Variants in USP10 observed in about 807,000 individuals in gnomAD.
USP10 encodes ubiquitin specific peptidase 10.
A neutral mutation model predicts 84.5 loss-of-function variants in USP10; 22 were observed. The ratio of observed to expected loss-of-function variants is 0.26; its 90% confidence interval spans 0.19 to 0.37. The LOEUF (loss-of-function observed/expected upper bound fraction) is 0.37, where lower values mean the gene tolerates loss of function less well. Ranked by LOEUF, USP10 falls within the 10% of genes least tolerant of loss-of-function variation. The probability of loss-of-function intolerance (pLI) is 1.00; values close to 1 mark genes in which losing one functional copy is unlikely to be tolerated. For synonymous variants in USP10, 454 were observed against 387.6 expected (o/e 1.17, Z -2.01); for missense variants, 1,019 against 998.9 (o/e 1.02, Z -0.27).
intron 4 of USP10, among the ~76,000 whole-genome samples, chr16:84,753,797 G>A (rs527966257): frequency 7.2e-5 from 11 of 152,336 alleles, no homozygotes; most frequent in African/African-American, 2.6e-4. Context: ...AATTGATCCT[G>A]TATTACTGTC....
chr16:84,728,574 C>G (rs1366347568), intron 1 of USP10, among the ~76,000 whole-genome samples: 1 of 152,112 alleles, frequency 6.6e-6, no homozygotes. Context: ...CGTGATCCGC[C>G]TGCCTCGGCC....
Position 84,764,826 on chromosome 16 carries a change from T to A in USP10, c.1832+563T>A, listed in dbSNP as rs564642715. 9.4e-4 allele frequency among the ~76,000 whole-genome samples: 139 copies of A among 148,192 alleles called. 1 individual carries two copies. The highest frequency in any genetic ancestry group is 3.3e-3 in the African/African-American group (132 of 39,984). On this transcript the variant is annotated intron_variant, in intron 10 of 13. Transcript: ENST00000219473. ...GCATGGGTGACAGAGTGAGACTCTG[T>A]CTCAAGAAAAAAAAAAGAAAAAGAT...
chr16:84,732,570 C>A lies in USP10; in HGVS notation c.22-865C>A, dbSNP rs9932860. 200 of 341,632 alleles carry A rather than the reference C, an allele frequency of 5.9e-4. 1 individual carries two copies. The highest frequency in any genetic ancestry group is 4.3e-3 in the African/African-American group (188 of 43,870). 21.2% of individuals were successfully genotyped at this position (341,632 alleles called of 1,614,324 possible). On this transcript the variant is annotated intron_variant, in intron 1 of 13. Transcript: ENST00000219473. ...CAAGCAATTCTCCTGGCTCAGCCTC[C>A]CGAGCAGCCGGGACTACAGGTACAC...
In USP10 at chr16:84,766,700, T is replaced by G. The variant is rs1355624058; in HGVS notation, c.1833-1493T>G. ...AATACCAGCGTCCATTTGGAGGACT[T>G]GCTGGCTCAGATTGAACAGCTCTGT... is the stretch of plus-strand genomic sequence containing the variant. On this transcript the variant is annotated intron_variant, in intron 10 of 13. Transcript: ENST00000219473. Among the ~76,000 whole-genome samples the G allele has an allele frequency of 3.3e-5, 5 of 152,314 alleles. No individual in the cohort carries two copies. In the East Asian group the frequency reaches 9.6e-4, roughly 29 times the overall value.
At chr16:84,711,275 G>C (rs1197871386) in intron 1 of USP10, among the ~76,000 whole-genome samples, 2 of 152,172 alleles carry the variant, frequency 1.3e-5, no homozygotes, top group Non-Finnish European at 2.9e-5. Flanking sequence ...GTACACATGT[G>C]TTCCCCAGAA....
At chr16:84,744,034 T>C (rs936282114) in intron 3 of USP10, among the ~76,000 whole-genome samples, 2 of 150,324 alleles carry the variant, frequency 1.3e-5, no homozygotes, top group Non-Finnish European at 3.0e-5. Context: ...TGCGCTTTTA[T>C]ATATAGGATT....
intron 1 of USP10, among the ~76,000 whole-genome samples, chr16:84,729,591 C>T (rs1181791944): frequency 6.6e-6 from 1 of 152,208 alleles, no homozygotes; most frequent in African/African-American, 2.4e-5. Flanking sequence ...GGAGGCTGAG[C>T]GCCTTGCAGA....
At chr16:84,705,293 G>A (rs1046591821) in intron 1 of USP10, among the ~76,000 whole-genome samples, 1 of 151,220 alleles carries the variant, frequency 6.6e-6, no homozygotes, top group African/African-American at 2.4e-5. Context: ...GTGCATTGGC[G>A]GTATCTTGTC....
chr16:84,754,626 C>G lies in USP10; in HGVS notation c.1193-4090C>G, dbSNP rs185290680. Among the ~76,000 whole-genome samples, 15 of 152,278 alleles carry G rather than the reference C, an allele frequency of 9.9e-5. No individual in the cohort carries two copies. The East Asian group carries it at 2.9e-3, about 29-fold the overall frequency. ...AAAACTGAAACTGCTTTTTAACCTG[C>G]CTGCGCCTCAAAATAAGCAAACTGG... On this transcript the variant is annotated intron_variant, in intron 4 of 13. Transcript: ENST00000219473.
rs376147375 is a variant in USP10, at chr16:84,779,053, C to T, written c.2368C>T (p.Leu790=). 3.7e-6 allele frequency: 6 copies of T among 1,613,816 alleles called. No homozygotes were observed. In the East Asian group the frequency reaches 6.7e-5, roughly 18 times the overall value. Residue 790 remains leucine (L), a synonymous_variant, in exon 14 of 14, where the codon CTG becomes TTG. Coordinates refer to ENST00000219473, the MANE Select transcript of USP10 (RefSeq NM_005153.3). ...KPTAERTAYL[L]YYRRVDLL ...AACTGCTGAACGCACAGCCTACCTC[C>T]TGTATTACCGCCGAGTGGACCTGCT...
intron 13 of USP10, among the ~76,000 whole-genome samples, 196 bp downstream of exon 13, chr16:84,775,421 G>A (rs1346178291): frequency 1.3e-5 from 2 of 152,188 alleles, no homozygotes; most frequent in Non-Finnish European, 2.9e-5. Flanking sequence ...TCTTGGCCCT[G>A]AGGACAGATA....
chr16:84,711,883 C>G (rs1224488348), intron 1 of USP10, among the ~76,000 whole-genome samples: 1 of 152,008 alleles, frequency 6.6e-6, no homozygotes, highest in Non-Finnish European at 1.5e-5. Flanking sequence ...CCATGGCTGG[C>G]TAATTTTTGT....
At chr16:84,739,261 T>G (rs1044411481) in intron 2 of USP10, among the ~76,000 whole-genome samples, 3 of 150,986 alleles carry the variant, frequency 2.0e-5, no homozygotes, top group Non-Finnish European at 4.4e-5. Context: ...GGGTTTGTTT[T>G]TTTTTTGTTT....
intron 2 of USP10, 143 bp downstream of exon 2, chr16:84,733,646 A>G (rs1909527445): frequency 3.8e-6 from 2 of 531,468 alleles, no homozygotes; most frequent in Non-Finnish European, 6.4e-6. Flanking sequence ...CAACCCACCA[A>G]CTAGATTTGA....
intron 4 of USP10, among the ~76,000 whole-genome samples, chr16:84,747,379 T>C (rs1911354893): frequency 6.6e-6 from 1 of 152,174 alleles, no homozygotes; most frequent in African/African-American, 2.4e-5. Flanking sequence ...ACACATTCTT[T>C]GGGTGGCAAT....
chr16:84,755,686 T>TA, intron 4 of USP10, among the ~76,000 whole-genome samples: 1 of 151,878 alleles, frequency 6.6e-6, no homozygotes. Flanking sequence ...TAGTCCCAGC[T>TA]ACTCGGGAGG....
intron 8 of USP10, among the ~76,000 whole-genome samples, 166 bp downstream of exon 8, chr16:84,760,441 C>G (rs1437455433): frequency 6.6e-6 from 1 of 152,172 alleles, no homozygotes; most frequent in Non-Finnish European, 1.5e-5. Context: ...AAGCACTGCT[C>G]TCAGTACTTT....
chr16:84,746,410 C>CTACACAAA (rs1567625397), intron 4 of USP10, among the ~76,000 whole-genome samples: 1 of 152,222 alleles, frequency 6.6e-6, no homozygotes, highest in African/African-American at 2.4e-5. Flanking sequence ...TCAGAGAGTA[C>CTACACAAA]TACACAAATA....
At chr16:84,734,967 G>A (rs1040628867) in intron 2 of USP10, among the ~76,000 whole-genome samples, 1 of 151,856 alleles carries the variant, frequency 6.6e-6, no homozygotes, top group Admixed American at 6.6e-5. Context: ...TATTCTGTGG[G>A]CCTATTGCTT....
Sources: allele counts gnomAD v4.1 joint callset (sites outside exome capture counted in the v4.1 genomes callset), GRCh38; gene constraint gnomAD v4.1.1; transcripts MANE v1.5; gene names NCBI Gene and HGNC (gene_info 2026-07-23, HGNC 2026-07-21).